The following DNAH6 variants were observed in gnomAD, a reference collection of about 807,000 sequenced individuals.
DNAH6 encodes dynein axonemal heavy chain 6.
Under a neutral mutation model 491.4 loss-of-function variants are expected in DNAH6, and 340 were observed. The observed-to-expected ratio is 0.69, with a 90% CI of 0.63 to 0.76. The LOEUF is 0.76. Ranked by LOEUF, DNAH6 falls within the 30% of genes least tolerant of loss-of-function variation. DNAH6 has a pLI of 0.00. For missense variants in DNAH6, 4,443 were observed against 4,972.2 expected, an observed-to-expected ratio of 0.89 and a Z score of 3.20; for synonymous variants, 1,603 against 1,686.1, an observed-to-expected ratio of 0.95 and a Z score of 1.21.
chr2:84,531,714 G>T (rs1395418942), intron 4 of DNAH6, among the ~76,000 whole-genome samples: 1 of 150,002 alleles, frequency 6.7e-6, no homozygotes, highest in Non-Finnish European at 1.5e-5. Flanking sequence ...ATGTCAAAAG[G>T]AGAAGAGATG....
chr2:84,676,779 G>C (rs1389048588), intron 40 of DNAH6, among the ~76,000 whole-genome samples: 1 of 152,234 alleles, frequency 6.6e-6, no homozygotes, highest in African/African-American at 2.4e-5. Flanking sequence ...TGAATTAGCT[G>C]AGTGACCTTG....
At chr2:84,524,379 A>T (rs1676422424) in intron 2 of DNAH6, among the ~76,000 whole-genome samples, 1 of 151,600 alleles carries the variant, frequency 6.6e-6, no homozygotes, top group African/African-American at 2.4e-5. Flanking sequence ...ACAGCATATC[A>T]TTGGGTCTTG....
chr2:84,816,172 C>A, intron 76 of DNAH6, 89 bp downstream of exon 76: 1 of 1,023,750 alleles, frequency 9.8e-7, no homozygotes. Context: ...GGCTCAAGAT[C>A]TCCCTTGGGC....
chr2:84,763,423 G>A lies in DNAH6; in HGVS notation c.10703+478G>A, dbSNP rs933911531. On this transcript the variant is annotated intron_variant, in intron 64 of 76. Transcript: ENST00000389394. ...GACTTAAATGTCTCCTTTACAGTAA[G>A]CTGATTTGGTTTTTTTTAATGAAAG... is the stretch of plus-strand genomic sequence containing the variant. Among the ~76,000 whole-genome samples, 5 of 151,788 alleles carry A rather than the reference G, an allele frequency of 3.3e-5. No individual in the cohort carries two copies. The South Asian group carries it at 1.0e-3, about 32-fold the overall frequency.
intron 42 of DNAH6, among the ~76,000 whole-genome samples, chr2:84,684,598 C>T (rs1034217698): frequency 6.6e-6 from 1 of 152,148 alleles, no homozygotes; most frequent in African/African-American, 2.4e-5. Flanking sequence ...TAGAAATACC[C>T]TAGTATTCCA....
At chr2:84,572,383 A>G (rs771077480) in intron 11 of DNAH6, among the ~76,000 whole-genome samples, 8 of 152,234 alleles carry the variant, frequency 5.3e-5, no homozygotes, top group Non-Finnish European at 1.0e-4. Context: ...TTTTGAAATC[A>G]TATTTTGAAC....
At position 84,529,028 on chromosome 2, in the gene DNAH6, G is replaced by A. The variant is rs939298010; in HGVS notation, c.524G>A (p.Arg175Gln). The A allele has an allele frequency of 8.4e-6, 13 of 1,551,306 alleles. No homozygotes were observed. Among genetic ancestry groups the A allele is most frequent in the African/African-American group, 2.7e-5 (2 of 73,088 alleles). ...SAYPKYTFHD[R>Q]EEVVKANIRD... ...TACCCTAAGTACACTTTTCACGACC[G>A]AGAAGAAGTTGTTAAAGCCAACATT... Residue 175 changes from arginine (R) to glutamine (Q), a missense_variant, in exon 4 of 77, where the codon CGA becomes CAA. Physicochemically the swap from Arg to Gln is conservative, Grantham distance 43. Around this residue, in one of 3 missense-constraint regions of DNAH6, gnomAD observed 2,977 missense variants for 3,296.6 expected, o/e 0.90. Transcript: ENST00000389394.
intron 45 of DNAH6, among the ~76,000 whole-genome samples, chr2:84,694,022 G>A (rs1695133509): frequency 6.6e-6 from 1 of 152,206 alleles, no homozygotes; most frequent in Admixed American, 6.5e-5. Flanking sequence ...TACGACTAGG[G>A]CCGAGACCCA....
intron 11 of DNAH6, among the ~76,000 whole-genome samples, chr2:84,562,604 C>T (rs575251932): frequency 2.6e-5 from 4 of 152,232 alleles, no homozygotes; most frequent in African/African-American, 9.6e-5. Flanking sequence ...TAATTTTACT[C>T]ATGGCTATGA....
At chr2:84,592,565 A>G (rs1684215567) in intron 16 of DNAH6, among the ~76,000 whole-genome samples, 1 of 152,160 alleles carries the variant, frequency 6.6e-6, no homozygotes, top group Non-Finnish European at 1.5e-5. Context: ...CAAATGACCC[A>G]ATGATCCCAT....
At position 84,604,228 on chromosome 2, in the gene DNAH6, G is replaced by A. The variant is rs1002410370; in HGVS notation, c.2869-111G>A. The A allele has an allele frequency of 3.8e-6, 3 of 794,192 alleles. No individual in the cohort carries two copies. The African/African-American group carries it at 5.2e-5, about 14-fold the overall frequency. 49.2% of individuals were successfully genotyped at this position (794,192 alleles called of 1,614,324 possible). A position where few individuals can be genotyped will look rare whatever the true frequency, so the allele number is the denominator to read the frequency against. On this transcript the variant is annotated intron_variant, in intron 18 of 76. Transcript: ENST00000389394. ...TCCAGATTTTGCTCTGTGGAAAGAG[G>A]GTAAGTGGTGCTCTTTTCCAGCTCT...
At position 84,718,193 on chromosome 2, in the gene DNAH6, T is replaced by G. The variant is rs1462568643; in HGVS notation, c.9612-11T>G. The G allele has an allele frequency of 6.7e-7, 1 of 1,502,412 alleles. No homozygotes were observed. The highest frequency in any genetic ancestry group is 1.4e-5 in the African/African-American group (1 of 70,540). 93.1% of individuals were successfully genotyped at this position (1,502,412 alleles called of 1,614,324 possible). A position where few individuals can be genotyped will look rare whatever the true frequency, so the allele number is the denominator to read the frequency against. On this transcript the variant is annotated splice_polypyrimidine_tract_variant and intron_variant, in intron 58 of 76. Transcript: ENST00000389394. Reference sequence around the variant, plus strand: ...AGAGACATAATTTAGATATCTGAACTTTGGTTTTAGTGATGTGGTGCGACT... The same window carrying G: ...AGAGACATAATTTAGATATCTGAACGTTGGTTTTAGTGATGTGGTGCGACT...
intron 6 of DNAH6, 31 bp downstream of exon 6, chr2:84,547,433 T>G: frequency 6.4e-7 from 1 of 1,551,378 alleles, no homozygotes; most frequent in Non-Finnish European, 8.7e-7. Context: ...GAATCAAAGC[T>G]TTTTTCCCTA....
chr2:84,676,627 C>G (rs528050682), intron 40 of DNAH6, among the ~76,000 whole-genome samples: 1 of 152,328 alleles, frequency 6.6e-6, no homozygotes, highest in South Asian at 2.1e-4. Context: ...TCAGTAACCA[C>G]TAATCCAGTG....
chr2:84,794,271 G>C (rs577851635), intron 68 of DNAH6, among the ~76,000 whole-genome samples: 3 of 152,070 alleles, frequency 2.0e-5, no homozygotes, highest in Non-Finnish European at 4.4e-5. Flanking sequence ...GCATGGGCAA[G>C]GACTTCATGT....
chr2:84,611,671 T>C lies in DNAH6; in HGVS notation c.3295-3T>C. 1.3e-6 allele frequency: 2 copies of C among 1,549,808 alleles called. No homozygotes were observed. Among genetic ancestry groups the C allele is most frequent in the South Asian group, 2.4e-5 (2 of 83,722 alleles). On this transcript the variant is annotated splice_polypyrimidine_tract_variant and splice_region_variant and intron_variant, in intron 21 of 76. Transcript: ENST00000389394. Reference sequence around the variant, plus strand: ...TTTGACAGTGTCCATATTTTTCTCCTAGGAAGAGTGGCTGACCTGCCAGAG... The same window carrying C: ...TTTGACAGTGTCCATATTTTTCTCCCAGGAAGAGTGGCTGACCTGCCAGAG...
At chr2:84,769,621 G>C (rs960885173) in intron 64 of DNAH6, among the ~76,000 whole-genome samples, 2 of 152,156 alleles carry the variant, frequency 1.3e-5, no homozygotes, top group South Asian at 2.1e-4. Context: ...GTTTTGGCCT[G>C]TCTGGTGGCT....
At chr2:84,533,176 C>G (rs561266399) in intron 4 of DNAH6, among the ~76,000 whole-genome samples, 2 of 152,210 alleles carry the variant, frequency 1.3e-5, no homozygotes, top group South Asian at 4.1e-4. Flanking sequence ...AGACAACATT[C>G]ACATCCAACA....
At chr2:84,732,517 G>A (rs925355233) in intron 61 of DNAH6, among the ~76,000 whole-genome samples, 4 of 152,092 alleles carry the variant, frequency 2.6e-5, no homozygotes, top group South Asian at 4.1e-4. Context: ...AAGCTAAGAC[G>A]TCCGTCACAA....
Sources: allele counts gnomAD v4.1 joint callset (sites outside exome capture counted in the v4.1 genomes callset), GRCh38; gene constraint gnomAD v4.1.1; regional missense constraint gnomAD v4.1.1; transcripts MANE v1.5; gene names NCBI Gene and HGNC (gene_info 2026-07-23, HGNC 2026-07-21).